Variants in KCNN3 observed in about 807,000 individuals in gnomAD.
The protein encoded by KCNN3 is potassium calcium-activated channel subfamily N member 3.
A neutral mutation model predicts 62.9 loss-of-function variants in KCNN3; 16 were observed. That is an observed-to-expected ratio of 0.25 (90% CI 0.17 to 0.39). KCNN3 has a LOEUF of 0.39. KCNN3 is among the 10% of genes least tolerant of loss of function. The pLI is 1.00. For synonymous variants in KCNN3, 370 were observed against 389.2 expected, an observed-to-expected ratio of 0.95 and a Z score of 0.58; for missense variants, 599 against 949.4, an observed-to-expected ratio of 0.63 and a Z score of 4.85.
intron 1 of KCNN3, among the ~76,000 whole-genome samples, chr1:154,825,781 G>A (rs1651084796): frequency 1.3e-5 from 2 of 151,218 alleles, no homozygotes; most frequent in South Asian, 4.3e-4. Context: ...AAACACTTCT[G>A]CACACGGCCG....
intron 2 of KCNN3, among the ~76,000 whole-genome samples, chr1:154,775,426 C>A (rs1206330881): frequency 6.6e-6 from 1 of 152,164 alleles, no homozygotes; most frequent in Non-Finnish European, 1.5e-5. Flanking sequence ...TCTCTTTCTC[C>A]CTGCTCCGTA....
At chr1:154,868,394 G>T (rs918918118) in intron 1 of KCNN3, 9 of 986,772 alleles carry the variant, frequency 9.1e-6, no homozygotes, top group Non-Finnish European at 1.1e-5. Context: ...CCAGGTCATG[G>T]ATGGTTTTCT....
At chr1:154,856,056 GA>G (rs1284475517) in intron 1 of KCNN3, among the ~76,000 whole-genome samples, 1 of 152,182 alleles carries the variant, frequency 6.6e-6, no homozygotes, top group African/African-American at 2.4e-5. Context: ...GTACCTCGGG[GA>G]AAAGTACATT....
chr1:154,767,944 A>G (rs1648373227), intron 3 of KCNN3, among the ~76,000 whole-genome samples: 1 of 152,216 alleles, frequency 6.6e-6, no homozygotes, highest in Admixed American at 6.5e-5. Context: ...GTCTTTTAAA[A>G]TACATCTTGC....
At chr1:154,843,962 T>C (rs1270293088) in intron 1 of KCNN3, among the ~76,000 whole-genome samples, 1 of 152,168 alleles carries the variant, frequency 6.6e-6, no homozygotes, top group Non-Finnish European at 1.5e-5. Context: ...CCTCGGTGAC[T>C]GCCCCGAAAG....
At chr1:154,740,072 T>C (rs1298711516) in intron 3 of KCNN3, among the ~76,000 whole-genome samples, 1 of 152,258 alleles carries the variant, frequency 6.6e-6, no homozygotes, top group Non-Finnish European at 1.5e-5. Flanking sequence ...ACTAATACAG[T>C]GAACTCTTCT....
At chr1:154,826,945 C>T (rs1296167123) in intron 1 of KCNN3, among the ~76,000 whole-genome samples, 4 of 152,170 alleles carry the variant, frequency 2.6e-5, no homozygotes, top group Non-Finnish European at 5.9e-5. Flanking sequence ...AGCTGTTACC[C>T]ACAAAGAGTA....
chr1:154,849,738 C>T (rs1652230161), intron 1 of KCNN3, among the ~76,000 whole-genome samples: 1 of 152,206 alleles, frequency 6.6e-6, no homozygotes, highest in Non-Finnish European at 1.5e-5. Context: ...TCCATTTTCG[C>T]ATTCATCCTC....
chr1:154,863,977 T>C (rs1558012783), intron 1 of KCNN3, among the ~76,000 whole-genome samples: 2 of 152,232 alleles, frequency 1.3e-5, no homozygotes. Flanking sequence ...CCACAAAGAT[T>C]ATAAATAAAG....
rs754103274 is a variant in KCNN3 at position 154,714,983 on chromosome 1, A to G, written c.1722T>C (p.Asn574=). 1.2e-6 allele frequency: 2 copies of G among 1,613,604 alleles called. No homozygotes were observed. Among genetic ancestry groups the G allele is most frequent in the African/African-American group, 1.3e-5 (1 of 74,864 alleles). ...AGATTAACCATGTTTCCCGAAGGAC[A>G]TTGGCTGCAGCATTCTTGATCTAAG... ...LTKRIKNAAA[N]VLRETWLIYK... Residue 574 remains asparagine, a synonymous_variant, in exon 6 of 8, where the codon AAT becomes AAC. Transcript: ENST00000271915.
At chr1:154,837,458 G>A (rs749474621) in intron 1 of KCNN3, among the ~76,000 whole-genome samples, 10 of 152,096 alleles carry the variant, frequency 6.6e-5, no homozygotes, top group Non-Finnish European at 1.3e-4. Context: ...ACATGTAACA[G>A]CTGTGATCAA....
intron 2 of KCNN3, among the ~76,000 whole-genome samples, chr1:154,773,391 G>A (rs576433149): frequency 1.2e-3 from 190 of 152,338 alleles, no homozygotes; most frequent in African/African-American, 4.4e-3. Context: ...GTTTCCCTGA[G>A]TTCTGTGAGC....
In KCNN3 at chr1:154,779,751, C is replaced by T. The variant is rs539405151; in HGVS notation, c.1030-7358G>A. ...TGCTGAGGGTAAATGGATTCGCTGG[C>T]AGCTAACAAAGAGGTCAGCATGGCA... On this transcript the variant is annotated intron_variant, in intron 2 of 7. Transcript: ENST00000271915. 1.4e-3 allele frequency among the ~76,000 whole-genome samples: 208 copies of T among 152,282 alleles called. 1 individual carries two copies. The highest frequency in any genetic ancestry group is 2.5e-3 in the Non-Finnish European group (173 of 68,022).
chr1:154,866,796 G>A (rs1016757659), intron 1 of KCNN3, among the ~76,000 whole-genome samples: 12 of 152,204 alleles, frequency 7.9e-5, no homozygotes, highest in Non-Finnish European at 1.8e-4. Flanking sequence ...TCAGAAATGC[G>A]GGGAGCCAAG....
rs570693502 is a variant in KCNN3 at position 154,726,931 on chromosome 1, C to T, written c.1591-905G>A. ...GGGACTCACTTTCTCTCTCCTAATC[C>T]TCTGGGTGCATACTTGACTGTCTGG... is the stretch of plus-strand genomic sequence containing the variant. On this transcript the variant is annotated intron_variant, in intron 4 of 7. Coordinates refer to ENST00000271915, the MANE Select transcript of KCNN3 (RefSeq NM_002249.6). Among the ~76,000 whole-genome samples the T allele has an allele frequency of 4.6e-5, 7 of 152,322 alleles. No homozygotes were observed. The South Asian group carries it at 1.4e-3, about 32-fold the overall frequency.
chr1:154,814,030 C>T (rs1254042177), intron 2 of KCNN3, among the ~76,000 whole-genome samples: 1 of 152,260 alleles, frequency 6.6e-6, no homozygotes, highest in African/African-American at 2.4e-5. Flanking sequence ...GCGGCCGATC[C>T]AAGTGAAAAG....
chr1:154,790,537 G>A (rs1649469886), intron 2 of KCNN3, among the ~76,000 whole-genome samples: 1 of 152,120 alleles, frequency 6.6e-6, no homozygotes, highest in African/African-American at 2.4e-5. Context: ...CACTGTAAAC[G>A]GTAGAGTACT....
chr1:154,844,070 G>T (rs961932960), intron 1 of KCNN3, among the ~76,000 whole-genome samples: 1 of 152,218 alleles, frequency 6.6e-6, no homozygotes, highest in Non-Finnish European at 1.5e-5. Context: ...GGGGCTTGCA[G>T]AAGGGGACTC....
intron 2 of KCNN3, among the ~76,000 whole-genome samples, chr1:154,815,433 C>T (rs1276989284): frequency 6.6e-6 from 1 of 152,206 alleles, no homozygotes; most frequent in East Asian, 1.9e-4. Flanking sequence ...TGAAACCTGC[C>T]CAGCCTCTCT....
Sources: gnomAD v4.1 joint callset for allele counts (sites outside exome capture counted in the v4.1 genomes callset) on GRCh38, gnomAD v4.1.1 for gene constraint, MANE v1.5 for transcripts, NCBI Gene and HGNC (gene_info 2026-07-23, HGNC 2026-07-21) for gene names.